Variants in DYNLL1 observed in about 807,000 individuals in gnomAD.
DYNLL1 encodes dynein light chain LC8-type 1, also known as dynein light chain 1, cytoplasmic.
DYNLL1 carries 3 observed loss-of-function variants against 10.1 expected under a neutral mutation model. That is an observed-to-expected ratio of 0.30 (90% CI 0.14 to 0.77). The LOEUF (loss-of-function observed/expected upper bound fraction) is 0.77, where lower values mean the gene tolerates loss of function less well. Among genes scored for constraint, DYNLL1 ranks in the 30% least tolerant of loss-of-function variants. The probability of loss-of-function intolerance (pLI) is 0.66; values close to 1 mark genes in which losing one functional copy is unlikely to be tolerated. For synonymous variants in DYNLL1, 46 were observed against 41.2 expected, an observed-to-expected ratio of 1.12 and a Z score of -0.45; for missense variants, 47 against 111.7, an observed-to-expected ratio of 0.42 and a Z score of 2.61.
At chr12:120,486,230 C>T (rs538052268) in intron 1 of DYNLL1, among the ~76,000 whole-genome samples, 13 of 152,212 alleles carry the variant, frequency 8.5e-5, no homozygotes, top group Admixed American at 5.2e-4. Flanking sequence ...AAAAGAGTTG[C>T]AGAGGCCCTG....
intron 1 of DYNLL1, among the ~76,000 whole-genome samples, chr12:120,476,953 G>C (rs539867118): frequency 2.7e-5 from 4 of 146,824 alleles, no homozygotes; most frequent in African/African-American, 1.0e-4. Context: ...TTTTTGAGAC[G>C]GAGTCTCGCT....
At chr12:120,488,985 A>T (rs947143091) in intron 1 of DYNLL1, among the ~76,000 whole-genome samples, 10 of 152,228 alleles carry the variant, frequency 6.6e-5, no homozygotes, top group Admixed American at 5.9e-4. Context: ...CTCATCCTCT[A>T]CATGGCCAAA....
At chr12:120,489,986 A>G (rs1879086518) in intron 1 of DYNLL1, among the ~76,000 whole-genome samples, 2 of 152,160 alleles carry the variant, frequency 1.3e-5, no homozygotes, top group Non-Finnish European at 2.9e-5. Context: ...GAGCTCAGGC[A>G]ATCTGCCCGC....
chr12:120,479,463 A>AAT (rs1878833771), intron 1 of DYNLL1, among the ~76,000 whole-genome samples: 2 of 131,672 alleles, frequency 1.5e-5, no homozygotes, highest in Non-Finnish European at 3.2e-5. Context: ...AAAAAAAAAA[A>AAT]AAAAAAATAA....
At chr12:120,473,677 ACC>A (rs1878695113) in intron 1 of DYNLL1, among the ~76,000 whole-genome samples, 1 of 136,964 alleles carries the variant, frequency 7.3e-6, no homozygotes. Context: ...CCTGGTCAAC[ACC>A]GAGACTCTGT....
At chr12:120,472,168 T>C (rs1179592344) in intron 1 of DYNLL1, among the ~76,000 whole-genome samples, 1 of 145,286 alleles carries the variant, frequency 6.9e-6, no homozygotes, top group Non-Finnish European at 1.5e-5. Context: ...GTGTATTTGC[T>C]GCTTGTAACA....
At chr12:120,479,468 A>AAAAAAT (rs1555221140) in intron 1 of DYNLL1, among the ~76,000 whole-genome samples, 20 of 109,594 alleles carry the variant, frequency 1.8e-4, no homozygotes, top group African/African-American at 2.4e-4. Flanking sequence ...AAAAAAAAAA[A>AAAAAAT]AATAATAATA....
At chr12:120,481,163 G>A (rs1335470091) in intron 1 of DYNLL1, among the ~76,000 whole-genome samples, 4 of 152,140 alleles carry the variant, frequency 2.6e-5, no homozygotes, top group African/African-American at 7.2e-5. Context: ...TTCCTGTGAT[G>A]TCTTATCTTT....
chr12:120,496,404 C>T lies in DYNLL1; in HGVS notation c.-6-12C>T. On this transcript the variant is annotated splice_polypyrimidine_tract_variant and intron_variant, in intron 1 of 2. Transcript: ENST00000242577. Reference sequence around the variant, plus strand: ...CCCAACTCAACCCCTTACCCCAGGCCTTGCCCACTAGGTAACCATGTGCGA... The same window carrying T: ...CCCAACTCAACCCCTTACCCCAGGCTTTGCCCACTAGGTAACCATGTGCGA... 6.2e-7 allele frequency: 1 copy of T among 1,614,016 alleles called. No individual in the cohort carries two copies. Among genetic ancestry groups the T allele is most frequent in the South Asian group, 1.1e-5 (1 of 91,092 alleles).
At chr12:120,496,934 A>T in intron 2 of DYNLL1, 1 of 170,068 alleles carries the variant, frequency 5.9e-6, no homozygotes, top group Non-Finnish European at 1.1e-5. Flanking sequence ...CCAGCCTTCC[A>T]GTGGGGAGTT....
chr12:120,489,755 T>A (rs541460797), intron 1 of DYNLL1, among the ~76,000 whole-genome samples: 145 of 151,974 alleles, frequency 9.5e-4, no homozygotes, highest in Non-Finnish European at 1.7e-3. Flanking sequence ...TCTACTTTTT[T>A]AAATTTTTTT....
chr12:120,481,612 G>T (rs59349654), intron 1 of DYNLL1, among the ~76,000 whole-genome samples: 4,412 of 152,252 alleles, frequency 0.029, 223 homozygotes, highest in African/African-American at 0.1. Flanking sequence ...GGAGGAGGTG[G>T]GAACAGAGCT....
At chr12:120,486,968 G>A (rs1879008030) in intron 1 of DYNLL1, among the ~76,000 whole-genome samples, 1 of 150,878 alleles carries the variant, frequency 6.6e-6, no homozygotes, top group African/African-American at 2.4e-5. Flanking sequence ...GTTAAAACAG[G>A]AGAATCTTTT....
chr12:120,487,312 A>T (rs1232728707), intron 1 of DYNLL1, among the ~76,000 whole-genome samples: 1 of 67,312 alleles, frequency 1.5e-5, no homozygotes, highest in Non-Finnish European at 2.3e-5. Flanking sequence ...TTTTTTTTTG[A>T]GACGGACTCT....
intron 1 of DYNLL1, among the ~76,000 whole-genome samples, chr12:120,471,340 T>C (rs1309364498): frequency 1.3e-5 from 2 of 150,534 alleles, no homozygotes; most frequent in Non-Finnish European, 3.0e-5. Context: ...GCCACTGCAC[T>C]CCTCCAGCCT....
chr12:120,470,260 C>T (rs1878615017), intron 1 of DYNLL1, among the ~76,000 whole-genome samples: 1 of 152,126 alleles, frequency 6.6e-6, no homozygotes, highest in Non-Finnish European at 1.5e-5. Flanking sequence ...TAGAGTGCAT[C>T]CGACTTGTGC....
At chr12:120,491,352 GCT>G (rs1879123254), upstream of DYNLL1, 1 of 104,814 alleles carries the variant, frequency 9.5e-6, no homozygotes, top group Non-Finnish European at 2.1e-5. Context: ...CCAGCCCCAG[GCT>G]GGTGCCAGCC....
intron 1 of DYNLL1, among the ~76,000 whole-genome samples, chr12:120,487,075 C>T (rs971792088): frequency 6.7e-6 from 1 of 150,014 alleles, no homozygotes; most frequent in Middle Eastern, 3.3e-3. Context: ...CCCAGGTTCA[C>T]ACCATTGTCC....
At chr12:120,488,269 G>C (rs545399253) in intron 1 of DYNLL1, 57 of 152,350 alleles carry the variant, frequency 3.7e-4, no homozygotes, top group African/African-American at 1.4e-3. Context: ...CCTCCTTCCA[G>C]CTTCAGGCCT....
Sources: gnomAD v4.1 joint callset for allele counts (sites outside exome capture counted in the v4.1 genomes callset) on GRCh38, gnomAD v4.1.1 for gene constraint, MANE v1.5 for transcripts, NCBI Gene and HGNC (gene_info 2026-07-23, HGNC 2026-07-21) for gene names.